DRC3: variants seen among roughly 807,000 people sequenced by gnomAD.
DRC3 encodes the protein dynein regulatory complex subunit 3, also known as leucine rich repeat containing 48.
In DRC3, 45 loss-of-function variants were observed where a neutral mutation model predicts 57.6. The observed-to-expected ratio is 0.78, with a 90% CI of 0.62 to 1.00. The LOEUF (loss-of-function observed/expected upper bound fraction) is 1.00, where lower values mean the gene tolerates loss of function less well. DRC3 is among the 50% of genes least tolerant of loss of function. DRC3 has a pLI of 0.00. For missense variants in DRC3, 655 were observed against 675.2 expected, an observed-to-expected ratio of 0.97 and a Z score of 0.33; for synonymous variants, 257 against 272.3, an observed-to-expected ratio of 0.94 and a Z score of 0.55.
At chr17:18,010,937 AG>A in intron 12 of DRC3, 1 of 251,912 alleles carries the variant, frequency 4.0e-6, no homozygotes, top group Non-Finnish European at 7.9e-6. Context: ...CTCAAGGATG[AG>A]GTTTTTTTTT....
At position 18,008,983 on chromosome 17, in the gene DRC3, A is replaced by G. The variant is rs2044076037; in HGVS notation, c.1326+1836A>G. On this transcript the variant is annotated intron_variant, in intron 12 of 13. Coordinates refer to ENST00000399187, the MANE Select transcript of DRC3 (RefSeq NM_031294.4). The surrounding 1 kb of genome is among the most constrained non-coding windows in gnomAD (Gnocchi z 4.3). Reference sequence around the variant, plus strand: ...CAGTGGCCAGCCCTCCCTCCAGCCCAGCTGGCTCTGCCTGGTGCCAGCTGA... The same window carrying G: ...CAGTGGCCAGCCCTCCCTCCAGCCCGGCTGGCTCTGCCTGGTGCCAGCTGA... Among the ~76,000 whole-genome samples, 1 of 152,032 alleles carries G rather than the reference A, an allele frequency of 6.6e-6. No individual in the cohort carries two copies. The highest frequency in any genetic ancestry group is 2.1e-4 in the South Asian group (1 of 4,822).
At chr17:17,978,105 C>G (rs1021953955) in intron 3 of DRC3, 2 of 184,172 alleles carry the variant, frequency 1.1e-5, no homozygotes, top group South Asian at 2.3e-4. Context: ...GCAGGCAGAG[C>G]CTAGGAAGTC....
At position 18,006,241 on chromosome 17, in the gene DRC3, A is replaced by C. The variant is rs772644849; in HGVS notation, c.1190A>C (p.Asn397Thr). Reference sequence around the variant, plus strand: ...GACATGGTAGGACTGTTTATCGAAAATGTCCAAAGCCTATATCCTTTCTGT... The same window carrying C: ...GACATGGTAGGACTGTTTATCGAAACTGTCCAAAGCCTATATCCTTTCTGT... ...IVDMVGLFIE[N>T]VQSLMAQCRD... The change falls in exon 11 of 14, where the codon AAT (asparagine) becomes ACT (threonine). Residue 397 changes from asparagine (N) to threonine (T), a missense_variant. Transcript: ENST00000399187. 9.3e-6 allele frequency: 15 copies of C among 1,610,914 alleles called. No homozygotes were observed. Among genetic ancestry groups the C allele is most frequent in the Non-Finnish European group, 3.4e-6 (4 of 1,177,854 alleles).
rs903201742 is a variant in DRC3, at chr17:17,997,393, A to G, written c.825-67A>G. ...TCTGTGCACTGTGCCAGGGTTACCA[A>G]CACCTTGGCCGTGCCCTCCGCAGCC... On this transcript the variant is annotated intron_variant, in intron 8 of 13. Coordinates refer to ENST00000399187, the MANE Select transcript of DRC3 (RefSeq NM_031294.4). The G allele has an allele frequency of 4.0e-6, 6 of 1,505,222 alleles. No homozygotes were observed. In the African/African-American group the frequency reaches 5.5e-5, roughly 14 times the overall value. 93.2% of individuals were successfully genotyped at this position (1,505,222 alleles called of 1,614,324 possible).
chr17:17,988,195 G>A (rs746160744), intron 5 of DRC3, 97 bp downstream of exon 5: 29 of 1,269,936 alleles, frequency 2.3e-5, no homozygotes, highest in Non-Finnish European at 3.1e-5. Flanking sequence ...TACAGGCTGA[G>A]TGTTCAGATC....
intron 12 of DRC3, among the ~76,000 whole-genome samples, chr17:18,010,305 C>T (rs1040690542): frequency 4.6e-5 from 7 of 152,174 alleles, no homozygotes; most frequent in African/African-American, 1.4e-4. Flanking sequence ...TCCCACATGC[C>T]ATGGGGCAGC....
chr17:17,974,845 T>G (rs4299203), intron 2 of DRC3, among the ~76,000 whole-genome samples: 72,182 of 152,078 alleles, frequency 0.47, 18,882 homozygotes, highest in East Asian at 0.91. Flanking sequence ...TGAAGCTGGG[T>G]TAAAGTCCGT....
chr17:17,992,812 T>C lies in DRC3; in HGVS notation c.492T>C (p.Ser164=). Residue 164 remains serine, a synonymous_variant, in exon 6 of 14, where the codon TCT becomes TCC. Transcript: ENST00000399187. ...RFKCLRTLSL[S]RNPISEAEDY... ...AGTGCCTGCGGACGCTCAGCCTCTC[T>C]AGGAACCCTATCTCTGAGGCAGAGG... is the stretch of plus-strand genomic sequence containing the variant. 1 of 1,613,860 alleles carries C rather than the reference T, an allele frequency of 6.2e-7. No individual in the cohort carries two copies. The highest frequency in any genetic ancestry group is 8.5e-7 in the Non-Finnish European group (1 of 1,179,820).
intron 12 of DRC3, among the ~76,000 whole-genome samples, chr17:18,012,686 G>GA (rs372769732): frequency 9.7e-4 from 129 of 132,350 alleles, no homozygotes; most frequent in South Asian, 1.2e-3. Flanking sequence ...TGTCTCAGAA[G>GA]AAAAAAAAAA....
chr17:17,975,476 C>T (rs895777155), intron 2 of DRC3, among the ~76,000 whole-genome samples: 2 of 151,622 alleles, frequency 1.3e-5, no homozygotes, highest in Admixed American at 1.3e-4. Flanking sequence ...TCCCAAAGTG[C>T]TGGGATTACA....
chr17:18,001,688 C>T (rs967267023), intron 9 of DRC3, among the ~76,000 whole-genome samples: 4 of 151,812 alleles, frequency 2.6e-5, no homozygotes, highest in African/African-American at 9.7e-5. Context: ...CCCAGCACTT[C>T]GGGAAGCTGT....
At chr17:17,975,291 A>G (rs1412256707) in intron 2 of DRC3, among the ~76,000 whole-genome samples, 5 of 149,708 alleles carry the variant, frequency 3.3e-5, no homozygotes, top group Non-Finnish European at 7.4e-5. Flanking sequence ...GGCTCACTGC[A>G]ACCTCCAACT....
intron 4 of DRC3, among the ~76,000 whole-genome samples, chr17:17,987,321 G>C (rs1301553874): frequency 6.6e-6 from 1 of 151,878 alleles, no homozygotes; most frequent in Non-Finnish European, 1.5e-5. Flanking sequence ...AGCTGTGATG[G>C]AGCTGGAGGA....
intron 12 of DRC3, chr17:18,010,946 T>G (rs142427578): frequency 0.017 from 4,230 of 243,078 alleles, 110 homozygotes; most frequent in African/African-American, 0.063. Context: ...GAGGTTTTTT[T>G]TTTGTTTGTT....
At chr17:17,999,584 G>GTT (rs2043603776) in intron 9 of DRC3, among the ~76,000 whole-genome samples, 1 of 152,178 alleles carries the variant, frequency 6.6e-6, no homozygotes. Context: ...ACTGCTCCAG[G>GTT]TGCCCAGTGA....
chr17:18,009,790 T>G (rs1387644488), intron 12 of DRC3, among the ~76,000 whole-genome samples: 1 of 152,118 alleles, frequency 6.6e-6, no homozygotes, highest in Non-Finnish European at 1.5e-5. Context: ...CCTGATGAGG[T>G]TATCTCTAAA....
chr17:18,006,724 G>A (rs2145423435), intron 11 of DRC3: 1 of 398,670 alleles, frequency 2.5e-6, no homozygotes, highest in East Asian at 5.4e-5. Flanking sequence ...GAGACAAGTT[G>A]TAGAGGCAAC....
intron 10 of DRC3, chr17:18,005,098 A>G (rs1014451093): frequency 3.3e-5 from 5 of 152,734 alleles, no homozygotes; most frequent in Non-Finnish European, 7.3e-5. Context: ...AGATTTCCCC[A>G]TCACATCACA....
rs568795488 is a variant in DRC3, at chr17:18,016,058, C to T, written c.1327-6C>T. 28 of 1,613,006 alleles carry T rather than the reference C, an allele frequency of 1.7e-5. No individual in the cohort carries two copies. In the South Asian group the frequency reaches 3.1e-4, roughly 18 times the overall value. ...ACTTTCTCATTGGATTCTTTTCACT[C>T]ACCAGCTTTTTGTCGATAAAGATAC... On this transcript the variant is annotated splice_polypyrimidine_tract_variant and splice_region_variant and intron_variant, in intron 12 of 13. Coordinates refer to ENST00000399187, the MANE Select transcript of DRC3 (RefSeq NM_031294.4).
Sources: gnomAD v4.1 joint callset for allele counts (sites outside exome capture counted in the v4.1 genomes callset) on GRCh38, gnomAD v4.1.1 for gene constraint, Gnocchi (gnomAD v3.1) non-coding constraint, MANE v1.5 for transcripts, NCBI Gene and HGNC (gene_info 2026-07-23, HGNC 2026-07-21) for gene names.